Variants in CD28 observed in about 807,000 individuals in gnomAD.
CD28 encodes the protein T-cell-specific surface glycoprotein CD28.
A neutral mutation model predicts 21.4 loss-of-function variants in CD28; 8 were observed. That is an observed-to-expected ratio of 0.37 (90% confidence interval 0.22 to 0.68). The LOEUF (loss-of-function observed/expected upper bound fraction) is 0.68, where lower values mean the gene tolerates loss of function less well. Among genes scored for constraint, CD28 ranks in the 30% least tolerant of loss-of-function variants. CD28 has a pLI of 0.55. For synonymous variants in CD28, 106 were observed against 104.0 expected (o/e 1.02, Z -0.12); for missense variants, 239 against 272.2 (o/e 0.88, Z 0.86).
rs1031122339 is a variant in CD28, at chr2:203,738,233, T to A, written c.*3321T>A. On this transcript the variant is annotated 3_prime_UTR_variant, in exon 4 of 4. Transcript: ENST00000324106. ...TAACTAACTGAGCCACCGGTCCTCA[T>A]GGCTATTTTAATGAGGGTATTGATG... 1 of 152,186 alleles carries A rather than the reference T, an allele frequency of 6.6e-6. No individual in the cohort carries two copies. Among genetic ancestry groups the A allele is most frequent in the Non-Finnish European group, 1.5e-5 (1 of 68,048 alleles). 9.4% of individuals were successfully genotyped at this position (152,186 alleles called of 1,614,324 possible). A position where few individuals can be genotyped will look rare whatever the true frequency, so the allele number is the denominator to read the frequency against.
intron 2 of CD28, among the ~76,000 whole-genome samples, chr2:203,728,393 A>G (rs192194332): frequency 1.1e-4 from 17 of 152,342 alleles, no homozygotes; most frequent in Non-Finnish European, 2.2e-4. Flanking sequence ...ATTTTTTGGT[A>G]TACTTTGTGG....
intron 1 of CD28, among the ~76,000 whole-genome samples, chr2:203,719,487 GAGGATCTA>G (rs1368895401): frequency 6.6e-6 from 1 of 152,202 alleles, no homozygotes; most frequent in African/African-American, 2.4e-5. Context: ...CCAACTTTGA[GAGGATCTA>G]GAACCAATCA....
chr2:203,717,914 A>G (rs935559123), intron 1 of CD28, among the ~76,000 whole-genome samples: 1 of 152,198 alleles, frequency 6.6e-6, no homozygotes, highest in Non-Finnish European at 1.5e-5. Flanking sequence ...AGTCAACAGA[A>G]AACTAGATGA....
At chr2:203,722,016 TC>T in intron 1 of CD28, among the ~76,000 whole-genome samples, 1 of 152,208 alleles carries the variant, frequency 6.6e-6, no homozygotes, top group African/African-American at 2.4e-5. Context: ...GGGGTTTCTC[TC>T]CAGCCCACCC....
At chr2:203,729,899 C>A in intron 3 of CD28, 127 bp downstream of exon 3, 1 of 926,526 alleles carries the variant, frequency 1.1e-6, no homozygotes, top group Non-Finnish European at 1.6e-6. Context: ...TTTCCCCATG[C>A]TTGAGTAGGT....
rs920124237 is a variant in CD28 at position 203,737,191 on chromosome 2, G to A, written c.*2279G>A. 6 of 151,984 alleles carry A rather than the reference G, an allele frequency of 3.9e-5. No homozygotes were observed. The highest frequency in any genetic ancestry group is 2.6e-4 in the Admixed American group (4 of 15,264). The allele number at this position is 151,984 out of a possible 1,614,324, so 9.4% of individuals were successfully genotyped here. On this transcript the variant is annotated 3_prime_UTR_variant, in exon 4 of 4. Transcript: ENST00000324106. ...AGTAGGAATCTTGAGATTCCAGATC[G>A]AAAATACTGTACTTTGGTTGATTTT... is the stretch of plus-strand genomic sequence containing the variant.
chr2:203,707,866 G>T lies in CD28; in HGVS notation c.52+1118G>T, dbSNP rs373006472. Among the ~76,000 whole-genome samples, 3 of 152,152 alleles carry T rather than the reference G, an allele frequency of 2.0e-5. No homozygotes were observed. The East Asian group carries it at 5.8e-4, about 29-fold the overall frequency. On this transcript the variant is annotated intron_variant, in intron 1 of 3. Transcript: ENST00000324106. ...TTTCATGGACTCAGGTAAATCCAGG[G>T]TTAAATTAACTTCGGAAAATCACAA... is the stretch of plus-strand genomic sequence containing the variant.
intron 1 of CD28, among the ~76,000 whole-genome samples, chr2:203,710,513 C>T (rs1406518177): frequency 6.6e-6 from 1 of 152,172 alleles, no homozygotes; most frequent in Non-Finnish European, 1.5e-5. Context: ...CGCTGCCTCC[C>T]CTTCTTTAAG....
At chr2:203,707,386 A>T (rs1188079269) in intron 1 of CD28, among the ~76,000 whole-genome samples, 2 of 152,080 alleles carry the variant, frequency 1.3e-5, no homozygotes. Context: ...TGTGAGGTAA[A>T]ATGAAATAAT....
chr2:203,719,940 A>G (rs757819215), intron 1 of CD28, among the ~76,000 whole-genome samples: 6 of 152,194 alleles, frequency 3.9e-5, no homozygotes, highest in Non-Finnish European at 8.8e-5. Context: ...GGTTGACCTC[A>G]TTACTAAATA....
intron 2 of CD28, among the ~76,000 whole-genome samples, chr2:203,729,369 C>T (rs973202966): frequency 6.6e-6 from 1 of 152,216 alleles, no homozygotes; most frequent in South Asian, 2.1e-4. Context: ...TGGAAGTCAC[C>T]GTTTTGAATC....
chr2:203,717,876 G>A (rs2106113525), intron 1 of CD28, among the ~76,000 whole-genome samples: 1 of 152,210 alleles, frequency 6.6e-6, no homozygotes, highest in East Asian at 1.9e-4. Context: ...TTCATTTCTT[G>A]TGAAAATGGG....
In CD28 at chr2:203,734,774, T is replaced by G. The variant is rs896281170; in HGVS notation, c.535-10T>G. ...TTGTCCCTCCATACTGACACTTCTC[T>G]TTCCTGCAGGTGAGGAGTAAGAGGA... On this transcript the variant is annotated splice_polypyrimidine_tract_variant and intron_variant, in intron 3 of 3. Coordinates refer to ENST00000324106, the MANE Select transcript of CD28 (RefSeq NM_006139.4). 10 of 1,614,044 alleles carry G rather than the reference T, an allele frequency of 6.2e-6. No individual in the cohort carries two copies. The highest frequency in any genetic ancestry group is 1.3e-5 in the African/African-American group (1 of 74,948).
In CD28 at chr2:203,723,749, C is replaced by T. The variant is rs545069333; in HGVS notation, c.53-2884C>T. 8.5e-5 allele frequency among the ~76,000 whole-genome samples: 13 copies of T among 152,222 alleles called. No individual in the cohort carries two copies. In the East Asian group the frequency reaches 2.5e-3, roughly 29 times the overall value. ...AGAAAAGATGAACAATAACAAGTGTCGGCAAGGGTGAGGATAAATTGGAGC... is the reference window on the plus strand; with the variant it reads ...AGAAAAGATGAACAATAACAAGTGTTGGCAAGGGTGAGGATAAATTGGAGC... On this transcript the variant is annotated intron_variant, in intron 1 of 3. Coordinates refer to ENST00000324106, the MANE Select transcript of CD28 (RefSeq NM_006139.4).
intron 1 of CD28, among the ~76,000 whole-genome samples, chr2:203,721,010 G>A (rs1366254570): frequency 6.6e-6 from 1 of 152,136 alleles, no homozygotes; most frequent in Non-Finnish European, 1.5e-5. Flanking sequence ...ACCAAGGTGG[G>A]ACCAAATGCT....
chr2:203,726,157 G>A (rs559691301), intron 1 of CD28, among the ~76,000 whole-genome samples: 33 of 152,266 alleles, frequency 2.2e-4, no homozygotes, highest in Admixed American at 2.2e-3. Context: ...GTTGCAGTGA[G>A]CTGAGATTGC....
chr2:203,714,360 CA>C (rs1279824877), intron 1 of CD28, among the ~76,000 whole-genome samples: 2 of 152,116 alleles, frequency 1.3e-5, no homozygotes, highest in Non-Finnish European at 2.9e-5. Context: ...GGGTTCAAAC[CA>C]ACCCTGCCCA....
intron 1 of CD28, 60 bp downstream of exon 1, chr2:203,706,808 A>C: frequency 1.5e-6 from 2 of 1,296,644 alleles, no homozygotes; most frequent in Non-Finnish European, 2.2e-6. Flanking sequence ...CAATTGGCTT[A>C]GTTTATTTTA....
chr2:203,719,004 G>A (rs1302370994), intron 1 of CD28, among the ~76,000 whole-genome samples: 1 of 152,072 alleles, frequency 6.6e-6, no homozygotes, highest in Non-Finnish European at 1.5e-5. Context: ...ATGACCTTCA[G>A]GAAATCTTCA....
Sources: allele counts gnomAD v4.1 joint callset (sites outside exome capture counted in the v4.1 genomes callset), GRCh38; gene constraint gnomAD v4.1.1; transcripts MANE v1.5; gene names NCBI Gene and HGNC (gene_info 2026-07-23, HGNC 2026-07-21).